Variants in MEI4 observed in about 807,000 individuals in gnomAD.
The protein encoded by MEI4 is meiosis-specific protein MEI4.
MEI4 carries 27 observed loss-of-function variants against 31.4 expected under a neutral mutation model. That is an observed-to-expected ratio of 0.86 (90% CI 0.63 to 1.19). MEI4 has a LOEUF of 1.19. Ranked by LOEUF, MEI4 falls within the 50% of genes most tolerant of loss-of-function variation. The pLI is 0.00. For synonymous variants in MEI4, 122 were observed against 145.4 expected (o/e 0.84, Z 1.16); for missense variants, 329 against 398.9 (o/e 0.82, Z 1.49).
rs542355313 is a variant in MEI4 at position 77,670,973 on chromosome 6, G to A, written c.-15+17881G>A. On this transcript the variant is annotated intron_variant, in intron 1 of 4. Coordinates refer to ENST00000684080, the MANE Select transcript of MEI4 (RefSeq NM_001322247.2). ...CAATCACATTTATGTTTCTGATGTG[G>A]TCTGATCATCAAAAAGCACAATAAA... 2.0e-5 allele frequency among the ~76,000 whole-genome samples: 3 copies of A among 151,462 alleles called. No homozygotes were observed. The South Asian group carries it at 6.3e-4, about 32-fold the overall frequency.
chr6:77,743,864 G>T (rs1438677126), intron 2 of MEI4, among the ~76,000 whole-genome samples: 1 of 152,230 alleles, frequency 6.6e-6, no homozygotes, highest in African/African-American at 2.4e-5. Flanking sequence ...AACAGGGTGT[G>T]CAGTGGACCT....
intron 4 of MEI4, among the ~76,000 whole-genome samples, chr6:77,878,669 A>AT (rs1771403594): frequency 6.6e-6 from 1 of 151,886 alleles, no homozygotes; most frequent in Non-Finnish European, 1.5e-5. Context: ...TGTTTTCTTT[A>AT]TTTTTTTAAT....
intron 3 of MEI4, among the ~76,000 whole-genome samples, chr6:77,822,437 A>T (rs775381108): frequency 1.3e-5 from 2 of 152,176 alleles, no homozygotes; most frequent in African/African-American, 2.4e-5. Context: ...GTCTAACGTA[A>T]TGGTCTAATT....
intron 2 of MEI4, among the ~76,000 whole-genome samples, chr6:77,749,886 A>G (rs1244792874): frequency 6.6e-6 from 1 of 152,202 alleles, no homozygotes; most frequent in Non-Finnish European, 1.5e-5. Context: ...TGGGTTACCC[A>G]CAAACAGAAG....
intron 4 of MEI4, among the ~76,000 whole-genome samples, chr6:77,833,427 T>C (rs974701464): frequency 1.8e-4 from 27 of 152,292 alleles, no homozygotes; most frequent in African/African-American, 4.1e-4. Flanking sequence ...TCTTTAGATA[T>C]CTAGATAGTA....
chr6:77,800,257 A>G lies in MEI4; in HGVS notation c.769-28674A>G, dbSNP rs568804412. On this transcript the variant is annotated intron_variant, in intron 3 of 4. Coordinates refer to ENST00000684080, the MANE Select transcript of MEI4 (RefSeq NM_001322247.2). Reference sequence around the variant, plus strand: ...TAGGTATTTTATTCTCTTTGAAGCAATTGTGAATGGGAGTTCACTCATGAT... The same window carrying G: ...TAGGTATTTTATTCTCTTTGAAGCAGTTGTGAATGGGAGTTCACTCATGAT... Among the ~76,000 whole-genome samples, 289 of 152,136 alleles carry G rather than the reference A, an allele frequency of 1.9e-3. 2 individuals carry two copies. The highest frequency in any genetic ancestry group is 6.5e-3 in the African/African-American group (269 of 41,472).
intron 4 of MEI4, among the ~76,000 whole-genome samples, chr6:77,883,927 G>GT (rs1431075928): frequency 5.3e-5 from 8 of 150,504 alleles, no homozygotes; most frequent in South Asian, 2.1e-4. Context: ...TACTTTCAGG[G>GT]TTTTTTTTAA....
chr6:77,787,215 C>T (rs1768761556), intron 3 of MEI4, among the ~76,000 whole-genome samples: 1 of 152,156 alleles, frequency 6.6e-6, no homozygotes, highest in Admixed American at 6.5e-5. Context: ...GGATTTTCTA[C>T]TAGAGAAACA....
At chr6:77,869,430 C>A (rs975768082) in intron 4 of MEI4, among the ~76,000 whole-genome samples, 4 of 152,108 alleles carry the variant, frequency 2.6e-5, no homozygotes, top group African/African-American at 7.2e-5. Context: ...CTAATCCAAT[C>A]TTTCTGATGT....
At chr6:77,764,460 TTTA>T (rs1312791094) in intron 3 of MEI4, among the ~76,000 whole-genome samples, 1 of 152,328 alleles carries the variant, frequency 6.6e-6, no homozygotes, top group East Asian at 1.9e-4. Context: ...TGCTCCAGTC[TTTA>T]TTATTCTCTT....
At chr6:77,754,419 C>T (rs1177951615) in intron 2 of MEI4, among the ~76,000 whole-genome samples, 4 of 152,192 alleles carry the variant, frequency 2.6e-5, no homozygotes, top group African/African-American at 4.8e-5. Context: ...ACCACCTCAG[C>T]CTAGGCTTTA....
Position 77,827,084 on chromosome 6 carries a change from G to A in MEI4, c.769-1847G>A, listed in dbSNP as rs571350552. On this transcript the variant is annotated intron_variant, in intron 3 of 4. Transcript: ENST00000684080. Reference sequence around the variant, plus strand: ...TGATTAAAAGAACCTACATAGGCCGGGCGCGGTGGCTCACACCTGTAATCC... The same window carrying A: ...TGATTAAAAGAACCTACATAGGCCGAGCGCGGTGGCTCACACCTGTAATCC... Among the ~76,000 whole-genome samples the A allele has an allele frequency of 5.9e-5, 9 of 152,180 alleles. No homozygotes were observed. The East Asian group carries it at 9.7e-4, about 16-fold the overall frequency.
chr6:77,919,338 A>G (rs1038556444), intron 4 of MEI4, among the ~76,000 whole-genome samples: 2 of 152,134 alleles, frequency 1.3e-5, no homozygotes, highest in Admixed American at 6.6e-5. Context: ...CTCAGGATTA[A>G]GAATCTCACT....
chr6:77,660,228 A>G (rs1374285496), intron 1 of MEI4, among the ~76,000 whole-genome samples: 4 of 152,126 alleles, frequency 2.6e-5, no homozygotes, highest in Non-Finnish European at 5.9e-5. Context: ...AGAATGGGTA[A>G]AGTTGATAGT....
At chr6:77,690,038 T>C (rs771957680) in intron 1 of MEI4, among the ~76,000 whole-genome samples, 6 of 151,930 alleles carry the variant, frequency 3.9e-5, no homozygotes, top group Non-Finnish European at 7.4e-5. Context: ...AGAATGACGA[T>C]TGGAAATCTT....
chr6:77,708,787 T>C (rs1247850406), intron 2 of MEI4, among the ~76,000 whole-genome samples: 4 of 152,206 alleles, frequency 2.6e-5, no homozygotes, highest in African/African-American at 9.7e-5. Context: ...GCCCCTGTTC[T>C]TGGCACATGA....
chr6:77,716,303 A>G (rs1052808340), intron 2 of MEI4, among the ~76,000 whole-genome samples: 1 of 152,236 alleles, frequency 6.6e-6, no homozygotes, highest in Non-Finnish European at 1.5e-5. Context: ...GTCAATCAGG[A>G]TAGCTGAGTT....
intron 2 of MEI4, among the ~76,000 whole-genome samples, chr6:77,699,283 G>A (rs961759033): frequency 1.3e-4 from 18 of 141,442 alleles, no homozygotes; most frequent in African/African-American, 2.6e-4. Context: ...TCGGCCTCCC[G>A]GGTTCACGCC....
intron 2 of MEI4, among the ~76,000 whole-genome samples, chr6:77,731,898 T>G (rs2127667991): frequency 6.6e-6 from 1 of 151,996 alleles, no homozygotes; most frequent in African/African-American, 2.4e-5. Flanking sequence ...CTTTCCCCAA[T>G]GCTTGTTTTT....
Sources: allele counts gnomAD v4.1 joint callset (sites outside exome capture counted in the v4.1 genomes callset), GRCh38; gene constraint gnomAD v4.1.1; transcripts MANE v1.5; gene names NCBI Gene and HGNC (gene_info 2026-07-23, HGNC 2026-07-21).